Variants in ADGRL3 observed in about 807,000 individuals in gnomAD.
ADGRL3 encodes calcium-independent alpha-latrotoxin receptor 3.
Under a neutral mutation model 153.5 loss-of-function variants are expected in ADGRL3, and 62 were observed. The ratio of observed to expected loss-of-function variants is 0.40; its 90% confidence interval spans 0.33 to 0.50. The LOEUF is 0.50. Among genes scored for constraint, ADGRL3 ranks in the 20% least tolerant of loss-of-function variants. ADGRL3 has a pLI of 0.47. For synonymous variants in ADGRL3, 710 were observed against 672.5 expected (o/e 1.06, Z -0.86); for missense variants, 1,641 against 1,859.4 (o/e 0.88, Z 2.16).
At chr4:61,894,757 T>G (rs111261325) in intron 10 of ADGRL3, among the ~76,000 whole-genome samples, 1,711 of 152,312 alleles carry the variant, frequency 0.011, 36 homozygotes, top group African/African-American at 0.039. Flanking sequence ...GTCTCTCACT[T>G]GAATTATTGC....
At chr4:61,347,884 CT>C (rs1442334226) in intron 1 of ADGRL3, among the ~76,000 whole-genome samples, 1 of 152,050 alleles carries the variant, frequency 6.6e-6, no homozygotes, top group African/African-American at 2.4e-5. Context: ...TATCTTTATT[CT>C]TTCTGAATCT....
rs374686810 is a variant in ADGRL3 at position 61,842,889 on chromosome 4, T to C, written c.1480+29000T>C. ...TACACTGAAGATGATAGTGTCTATA[T>C]TGGAAATTGGAAACAGGTGTTTCAG... On this transcript the variant is annotated intron_variant, in intron 9 of 26. Transcript: ENST00000683033. Among the ~76,000 whole-genome samples, 93 of 152,262 alleles carry C rather than the reference T, an allele frequency of 6.1e-4. 2 individuals carry two copies. The South Asian group carries it at 0.019, about 31-fold the overall frequency.
intron 15 of ADGRL3, among the ~76,000 whole-genome samples, chr4:61,945,813 A>G (rs1413678725): frequency 6.6e-6 from 1 of 151,834 alleles, no homozygotes; most frequent in East Asian, 2.0e-4. Context: ...GTGCGCACAC[A>G]CACTGGCCTG....
At chr4:61,475,953 A>C (rs996215037) in intron 2 of ADGRL3, among the ~76,000 whole-genome samples, 1 of 152,138 alleles carries the variant, frequency 6.6e-6, no homozygotes, top group Non-Finnish European at 1.5e-5. Flanking sequence ...TAAAAAGATA[A>C]ATCAACTCAA....
intron 4 of ADGRL3, among the ~76,000 whole-genome samples, chr4:61,519,372 G>T (rs1237471860): frequency 6.6e-6 from 1 of 151,992 alleles, no homozygotes; most frequent in Non-Finnish European, 1.5e-5. Flanking sequence ...TTCTGTTTTG[G>T]ACAGAGATGA....
intron 2 of ADGRL3, among the ~76,000 whole-genome samples, chr4:61,433,434 C>T (rs2097401486): frequency 6.6e-6 from 1 of 151,884 alleles, no homozygotes; most frequent in Non-Finnish European, 1.5e-5. Context: ...CTGATAGACA[C>T]TTTACAGTCT....
At chr4:62,062,166 A>G (rs921549168) in intron 25 of ADGRL3, among the ~76,000 whole-genome samples, 16 of 152,102 alleles carry the variant, frequency 1.1e-4, no homozygotes, top group Non-Finnish European at 1.5e-4. Context: ...GTAATGTCTC[A>G]TTGGGGTTTT....
chr4:61,946,512 A>T (rs1378572964), intron 15 of ADGRL3, among the ~76,000 whole-genome samples: 1 of 151,972 alleles, frequency 6.6e-6, no homozygotes, highest in Non-Finnish European at 1.5e-5. Context: ...ATTTTGATAG[A>T]TTGTTGGTTT....
chr4:61,630,775 T>C (rs2093115097), intron 5 of ADGRL3, among the ~76,000 whole-genome samples: 1 of 152,142 alleles, frequency 6.6e-6, no homozygotes, highest in African/African-American at 2.4e-5. Context: ...ATGGAGCCGT[T>C]TTATGGACAG....
chr4:61,529,976 CTATGCTTG>C (rs2098602298), intron 4 of ADGRL3, among the ~76,000 whole-genome samples: 1 of 152,152 alleles, frequency 6.6e-6, no homozygotes, highest in East Asian at 1.9e-4. Flanking sequence ...TAAATTCAAC[CTATGCTTG>C]TATTCCTTAT....
chr4:61,261,460 T>C (rs1354361615), intron 1 of ADGRL3, among the ~76,000 whole-genome samples: 1 of 152,142 alleles, frequency 6.6e-6, no homozygotes, highest in African/African-American at 2.4e-5. Flanking sequence ...TATCTGGGAC[T>C]TTTTGGAATT....
At chr4:61,481,791 T>C (rs886483856) in intron 2 of ADGRL3, among the ~76,000 whole-genome samples, 1 of 152,084 alleles carries the variant, frequency 6.6e-6, no homozygotes, top group Non-Finnish European at 1.5e-5. Context: ...TTAAATAATA[T>C]TCTTACTCTT....
rs1486662626 is a variant in ADGRL3 at position 62,074,825 on chromosome 4, TTATTAG to T, written c.*3923_*3928del. 1.3e-5 allele frequency: 2 copies of T among 152,192 alleles called. No homozygotes were observed. The highest frequency in any genetic ancestry group is 3.2e-3 in the Middle Eastern group (1 of 316). 9.4% of individuals were successfully genotyped at this position (152,192 alleles called of 1,614,324 possible). A position where few individuals can be genotyped will look rare whatever the true frequency, so the allele number is the denominator to read the frequency against. On this transcript the variant is annotated 3_prime_UTR_variant, in exon 27 of 27. Coordinates refer to ENST00000683033, the MANE Select transcript of ADGRL3 (RefSeq NM_001387552.1). ...TCTTTAAGATCTAGGTTTAAGATTCTTATTAGTATTAACTTAATTGGTATGACAAAA... is the reference window on the plus strand; with the variant it reads ...TCTTTAAGATCTAGGTTTAAGATTCTTATTAACTTAATTGGTATGACAAAA...
chr4:61,314,292 C>T (rs2095126009), intron 1 of ADGRL3, among the ~76,000 whole-genome samples: 1 of 151,798 alleles, frequency 6.6e-6, no homozygotes, highest in Non-Finnish European at 1.5e-5. Flanking sequence ...TTACCATAAC[C>T]TCCGCCTCCT....
chr4:62,058,414 T>C (rs1187558490), intron 25 of ADGRL3, among the ~76,000 whole-genome samples: 2 of 152,174 alleles, frequency 1.3e-5, no homozygotes, highest in African/African-American at 4.8e-5. Context: ...ATAAAATAAC[T>C]TTGATTTAAT....
chr4:61,519,210 T>C (rs2098515582), intron 4 of ADGRL3, among the ~76,000 whole-genome samples: 1 of 152,214 alleles, frequency 6.6e-6, no homozygotes, highest in Non-Finnish European at 1.5e-5. Flanking sequence ...AAGAACTTTA[T>C]ACTGAATTTA....
intron 25 of ADGRL3, among the ~76,000 whole-genome samples, chr4:62,064,689 G>A (rs1440634343): frequency 1.3e-5 from 2 of 149,434 alleles, no homozygotes; most frequent in Non-Finnish European, 1.5e-5. Context: ...TTTCTTTCTC[G>A]GTCACAGGTG....
At chr4:61,588,468 A>G (rs1180753201) in intron 5 of ADGRL3, among the ~76,000 whole-genome samples, 1 of 151,920 alleles carries the variant, frequency 6.6e-6, no homozygotes, top group Non-Finnish European at 1.5e-5. Context: ...ATAAATTACT[A>G]TTACATAAAT....
chr4:61,850,016 A>G (rs1049451830), intron 9 of ADGRL3, among the ~76,000 whole-genome samples: 8 of 152,134 alleles, frequency 5.3e-5, no homozygotes, highest in Admixed American at 1.3e-4. Flanking sequence ...CTTCTAAGAA[A>G]TGTTATTTTG....
Sources: gnomAD v4.1 joint callset for allele counts (sites outside exome capture counted in the v4.1 genomes callset) on GRCh38, gnomAD v4.1.1 for gene constraint, MANE v1.5 for transcripts, NCBI Gene and HGNC (gene_info 2026-07-23, HGNC 2026-07-21) for gene names.